The following LBP variants were observed in gnomAD, a reference collection of about 807,000 sequenced individuals.
The protein encoded by LBP is lipopolysaccharide-binding protein.
In LBP, 53 loss-of-function variants were observed where a neutral mutation model predicts 56.6. The observed-to-expected ratio is 0.94, with a 90% CI of 0.75 to 1.18. The LOEUF is 1.18. LBP is among the 50% of genes most tolerant of loss of function. LBP has a pLI of 0.00. For missense variants in LBP, 601 were observed against 598.3 expected, an observed-to-expected ratio of 1.00 and a Z score of -0.05; for synonymous variants, 227 against 247.5, an observed-to-expected ratio of 0.92 and a Z score of 0.78.
At chr20:38,349,920 A>C (rs563621457) in intron 2 of LBP, among the ~76,000 whole-genome samples, 7 of 152,198 alleles carry the variant, frequency 4.6e-5, no homozygotes, top group African/African-American at 1.7e-4. Flanking sequence ...TGTAAAATGG[A>C]GTTGATCTAC....
rs776437133 is a variant in LBP, at chr20:38,369,152, G to A, written c.1139G>A (p.Arg380Gln). ...AGCTCCAGCAAGGAGCCTGTCTTCC[G>A]GCTCAGTGTGGTAAGGTTCAGAGCC... Reference protein sequence around the residue: ...LPSSSKEPVFRLSVATNVSAT... With the variant: ...LPSSSKEPVFQLSVATNVSAT... Residue 380 changes from arginine to glutamine, a missense_variant, in exon 10 of 15, where the codon CGG becomes CAG. By Grantham distance (43) the Arg-to-Gln change is conservative. Coordinates refer to ENST00000217407, the MANE Select transcript of LBP (RefSeq NM_004139.5). The A allele has an allele frequency of 6.5e-5, 105 of 1,613,810 alleles. No homozygotes were observed. Among genetic ancestry groups the A allele is most frequent in the East Asian group, 1.3e-4 (6 of 44,858 alleles).
At position 38,346,543 on chromosome 20, in the gene LBP, G is replaced by T; in HGVS notation, c.27G>T (p.Pro9=). Residue 9 remains proline (P), a synonymous_variant, in exon 1 of 15, where the codon CCG becomes CCT. Transcript: ENST00000217407. ...TGGGGGCCTTGGCCAGAGCCCTGCCGTCCATACTGCTGGCATTGCTGCTTA... is the reference window on the plus strand; with the variant it reads ...TGGGGGCCTTGGCCAGAGCCCTGCCTTCCATACTGCTGGCATTGCTGCTTA... The part of the protein sequence containing the change: MGALARAL[P]SILLALLLTS... 1 of 1,613,748 alleles carries T rather than the reference G, an allele frequency of 6.2e-7. No homozygotes were observed. Among genetic ancestry groups the T allele is most frequent in the Non-Finnish European group, 8.5e-7 (1 of 1,179,982 alleles).
intron 4 of LBP, among the ~76,000 whole-genome samples, chr20:38,354,979 G>A (rs893805625): frequency 6.6e-6 from 1 of 152,198 alleles, no homozygotes; most frequent in Non-Finnish European, 1.5e-5. Context: ...CTACTTCAGG[G>A]GCTGAGTTGG....
chr20:38,372,956 T>C (rs2076905469), intron 12 of LBP, 116 bp from the exon 13 acceptor site: 3 of 822,748 alleles, frequency 3.6e-6, no homozygotes, highest in Middle Eastern at 2.3e-4. Flanking sequence ...TCTTATAAAA[T>C]AGTAGCATGA....
At chr20:38,347,347 A>G (rs1182346653) in intron 1 of LBP, among the ~76,000 whole-genome samples, 2 of 151,932 alleles carry the variant, frequency 1.3e-5, no homozygotes, top group African/African-American at 4.8e-5. Context: ...AGTTCGAGGC[A>G]AGCCTGGCCA....
At chr20:38,359,164 T>C (rs6069875) in intron 5 of LBP, among the ~76,000 whole-genome samples, 10,001 of 152,330 alleles carry the variant, frequency 0.066, 401 homozygotes, top group African/African-American at 0.097. Context: ...GATTTTCTGT[T>C]GTCTGTTCCA....
intron 1 of LBP, among the ~76,000 whole-genome samples, chr20:38,348,528 G>T (rs2076808726): frequency 6.6e-6 from 1 of 152,026 alleles, no homozygotes; most frequent in South Asian, 2.1e-4. Context: ...GGCCAGGATG[G>T]TCTCGATGAT....
chr20:38,370,189 C>T (rs1229154554), intron 10 of LBP, among the ~76,000 whole-genome samples: 1 of 152,034 alleles, frequency 6.6e-6, no homozygotes, highest in Non-Finnish European at 1.5e-5. Context: ...GCCTGGGCAA[C>T]ACAGCAAGAC....
At chr20:38,372,330 C>T (rs967673897) in intron 12 of LBP, among the ~76,000 whole-genome samples, 4 of 152,266 alleles carry the variant, frequency 2.6e-5, no homozygotes, top group East Asian at 3.9e-4. Context: ...AACACAGAGG[C>T]GGTGGGGAGA....
At chr20:38,373,785 G>A in intron 13 of LBP, 152 bp from the exon 14 acceptor site, 1 of 660,244 alleles carries the variant, frequency 1.5e-6, no homozygotes, top group South Asian at 1.9e-5. Flanking sequence ...TCTGTAAAAT[G>A]GAAAGAATAA....
At chr20:38,357,271 C>G (rs551708396) in intron 5 of LBP, among the ~76,000 whole-genome samples, 1 of 152,296 alleles carries the variant, frequency 6.6e-6, no homozygotes, top group East Asian at 1.9e-4. Flanking sequence ...GAGGCTGAAT[C>G]AGGATTGGAG....
chr20:38,359,028 A>G (rs2076850544), intron 5 of LBP, among the ~76,000 whole-genome samples: 1 of 152,226 alleles, frequency 6.6e-6, no homozygotes, highest in Admixed American at 6.5e-5. Flanking sequence ...TCTTTCCTGC[A>G]TAAAACATTA....
chr20:38,365,695 TCAAAAAA>T (rs1212743986), intron 8 of LBP, among the ~76,000 whole-genome samples: 2 of 7,278 alleles, frequency 2.7e-4, no homozygotes, highest in African/African-American at 1.1e-3. Context: ...AGACTGCATC[TCAAAAAA>T]AAAAAAAAAA....
At chr20:38,355,479 T>C in intron 5 of LBP, 70 bp downstream of exon 5, 1 of 1,369,226 alleles carries the variant, frequency 7.3e-7, no homozygotes, top group Non-Finnish European at 1.0e-6. Context: ...CACTGACCAA[T>C]GGCCCTGGAC....
At chr20:38,370,827 A>G (rs764650105) in intron 11 of LBP, 22 bp downstream of exon 11, 2 of 1,593,068 alleles carry the variant, frequency 1.3e-6, no homozygotes, top group African/African-American at 1.3e-5. Flanking sequence ...TCCTACCTAC[A>G]TGGGGGTGCC....
intron 2 of LBP, 50 bp from the exon 3 acceptor site, chr20:38,350,761 G>A (rs371618770): frequency 6.4e-7 from 1 of 1,566,052 alleles, no homozygotes; most frequent in African/African-American, 1.3e-5. Flanking sequence ...CCCTGGTGAG[G>A]CTGGGTCCAG....
At chr20:38,351,277 C>A (rs1411324966) in intron 3 of LBP, among the ~76,000 whole-genome samples, 2 of 152,162 alleles carry the variant, frequency 1.3e-5, no homozygotes, top group Non-Finnish European at 2.9e-5. Flanking sequence ...TGGAAGCGAT[C>A]TGAGGAAACC....
At chr20:38,374,381 G>A (rs1459813307) in intron 14 of LBP, among the ~76,000 whole-genome samples, 6 of 152,062 alleles carry the variant, frequency 3.9e-5, no homozygotes, top group South Asian at 2.1e-4. Context: ...GGCAGATCAC[G>A]AGGTCAGGAG....
At chr20:38,366,286 C>T (rs1181573742) in intron 8 of LBP, among the ~76,000 whole-genome samples, 10 of 152,148 alleles carry the variant, frequency 6.6e-5, no homozygotes, top group Admixed American at 6.5e-4. Context: ...TTTGGTTTAC[C>T]CATCCTACTG....
Sources: allele counts gnomAD v4.1 joint callset (sites outside exome capture counted in the v4.1 genomes callset), GRCh38; gene constraint gnomAD v4.1.1; transcripts MANE v1.5; gene names NCBI Gene and HGNC (gene_info 2026-07-23, HGNC 2026-07-21).